PEX5L: variants seen among roughly 807,000 people sequenced by gnomAD.
The protein encoded by PEX5L is peroxisomal biogenesis factor 5 like, also known as PEX5-related protein.
Under a neutral mutation model 84.0 loss-of-function variants are expected in PEX5L, and 30 were observed. The observed-to-expected ratio is 0.36, with a 90% CI of 0.27 to 0.48. The LOEUF (loss-of-function observed/expected upper bound fraction) is 0.48, where lower values mean the gene tolerates loss of function less well. PEX5L is among the 20% of genes least tolerant of loss of function. The pLI is 0.99. For missense variants in PEX5L, 533 were observed against 754.6 expected (o/e 0.71, Z 3.44); for synonymous variants, 270 against 283.1 (o/e 0.95, Z 0.46).
Position 179,798,089 on chromosome 3 carries a change from T to C in PEX5L, c.*3739A>G, listed in dbSNP as rs950818175. 1 of 152,168 alleles carries C rather than the reference T, an allele frequency of 6.6e-6. No individual in the cohort carries two copies. Among genetic ancestry groups the C allele is most frequent in the African/African-American group, 2.4e-5 (1 of 41,432 alleles). The allele number at this position is 152,168 out of a possible 1,614,324, so 9.4% of individuals were successfully genotyped here. On this transcript the variant is annotated 3_prime_UTR_variant, in exon 15 of 15. Transcript: ENST00000467460. ...AAGTCTTGCTTGTATGGGAAGAATA[T>C]ACAAGAAATATTTATCTATACAAGT...
chr3:180,002,125 T>C (rs1788479616), intron 1 of PEX5L, among the ~76,000 whole-genome samples: 1 of 152,160 alleles, frequency 6.6e-6, no homozygotes, highest in Non-Finnish European at 1.5e-5. Context: ...CATGAACTTC[T>C]CAACTTTTTA....
At chr3:180,031,552 A>T (rs970666847) in intron 1 of PEX5L, among the ~76,000 whole-genome samples, 12 of 152,348 alleles carry the variant, frequency 7.9e-5, no homozygotes, top group African/African-American at 2.9e-4. Context: ...ATATTTTTAG[A>T]TGTCCCAAAC....
At chr3:180,027,285 C>A (rs1403917402) in intron 1 of PEX5L, among the ~76,000 whole-genome samples, 1 of 152,184 alleles carries the variant, frequency 6.6e-6, no homozygotes, top group African/African-American at 2.4e-5. Context: ...GACCCTTCAC[C>A]CCTAGCCTAG....
chr3:179,813,746 G>A (rs1029513434), intron 10 of PEX5L, among the ~76,000 whole-genome samples: 2 of 147,390 alleles, frequency 1.4e-5, no homozygotes, highest in East Asian at 2.0e-4. Flanking sequence ...GCGCAATCTC[G>A]GCTCACTGCA....
intron 1 of PEX5L, among the ~76,000 whole-genome samples, chr3:179,984,898 A>G (rs951658725): frequency 6.6e-6 from 1 of 152,208 alleles, no homozygotes; most frequent in African/African-American, 2.4e-5. Flanking sequence ...CTCCCCATTT[A>G]TACTGAGGAA....
intron 10 of PEX5L, 141 bp from the exon 11 acceptor site, chr3:179,812,012 TGTATGCA>T: frequency 1.5e-6 from 1 of 657,956 alleles, no homozygotes; most frequent in Non-Finnish European, 2.7e-6. Context: ...GGAAAAATAT[TGTATGCA>T]TTTCTTCATT....
chr3:179,815,744 T>G (rs16830845), intron 10 of PEX5L, 117 bp downstream of exon 10: 8 of 1,121,788 alleles, frequency 7.1e-6, no homozygotes, highest in Non-Finnish European at 1.0e-5. Flanking sequence ...CTAAGCTAGG[T>G]TAACTCCTCT....
intron 2 of PEX5L, among the ~76,000 whole-genome samples, chr3:179,948,937 G>A (rs751081264): frequency 6.6e-6 from 1 of 152,132 alleles, no homozygotes; most frequent in Non-Finnish European, 1.5e-5. Flanking sequence ...ATCTACATTC[G>A]TGCAAAGAGA....
intron 2 of PEX5L, chr3:179,902,612 A>C (rs1281182378): frequency 4.4e-6 from 2 of 454,512 alleles, no homozygotes; most frequent in African/African-American, 2.0e-5. Flanking sequence ...GCATCTCTCT[A>C]ATTCTTATTA....
intron 7 of PEX5L, among the ~76,000 whole-genome samples, chr3:179,863,064 G>T (rs1457234946): frequency 6.6e-6 from 1 of 152,200 alleles, no homozygotes; most frequent in Non-Finnish European, 1.5e-5. Flanking sequence ...TTTCTACAAA[G>T]TTGCCAAGAA....
At chr3:179,873,746 T>G (rs77379912) in intron 7 of PEX5L, among the ~76,000 whole-genome samples, 1 of 152,306 alleles carries the variant, frequency 6.6e-6, no homozygotes, top group Non-Finnish European at 1.5e-5. Flanking sequence ...TTAATAATAA[T>G]TCACAGGATT....
chr3:179,874,710 T>A (rs1331179912), intron 6 of PEX5L, among the ~76,000 whole-genome samples: 2 of 131,544 alleles, frequency 1.5e-5, no homozygotes, highest in Admixed American at 1.7e-4. Flanking sequence ...AAATTCTGTT[T>A]CATAAAAAAA....
At chr3:179,998,784 T>C (rs930170259) in intron 1 of PEX5L, among the ~76,000 whole-genome samples, 5 of 152,156 alleles carry the variant, frequency 3.3e-5, no homozygotes, top group Admixed American at 1.3e-4. Context: ...ATAAGTTACA[T>C]GAAGAAGTGA....
chr3:180,027,938 G>C (rs1257064427), intron 1 of PEX5L, among the ~76,000 whole-genome samples: 1 of 151,964 alleles, frequency 6.6e-6, no homozygotes, highest in Admixed American at 6.6e-5. Context: ...GTGCATTTTT[G>C]GCATGATTAT....
chr3:179,968,771 G>A (rs960084216), intron 2 of PEX5L, among the ~76,000 whole-genome samples: 1 of 151,328 alleles, frequency 6.6e-6, no homozygotes, highest in African/African-American at 2.4e-5. Context: ...ATTACCATAA[G>A]ACATCAACAC....
intron 1 of PEX5L, among the ~76,000 whole-genome samples, chr3:180,033,753 C>A (rs1256489038): frequency 6.6e-6 from 1 of 152,108 alleles, no homozygotes; most frequent in Non-Finnish European, 1.5e-5. Context: ...AAAGAAGCAA[C>A]CTTTGCTTCA....
At chr3:179,978,795 G>C (rs1025894252) in intron 1 of PEX5L, among the ~76,000 whole-genome samples, 28 of 152,156 alleles carry the variant, frequency 1.8e-4, no homozygotes, top group African/African-American at 6.5e-4. Context: ...CCCATCACTA[G>C]GATTAGGAGG....
Position 179,941,450 on chromosome 3 carries a change from G to A in PEX5L, c.93+30144C>T, listed in dbSNP as rs765323133. On this transcript the variant is annotated intron_variant, in intron 2 of 14. Transcript: ENST00000467460. ...CATTCACCATGATGTTATAGTAAGC[G>A]TTCAACATTCAGTACTTCATGTAAT... Among the ~76,000 whole-genome samples the A allele has an allele frequency of 2.0e-5, 3 of 152,130 alleles. No homozygotes were observed. The South Asian group carries it at 6.2e-4, about 32-fold the overall frequency.
intron 2 of PEX5L, among the ~76,000 whole-genome samples, chr3:179,971,075 A>G (rs1288270344): frequency 6.6e-6 from 1 of 152,140 alleles, no homozygotes; most frequent in Non-Finnish European, 1.5e-5. Context: ...GTGGTACTAC[A>G]GATTTTATTA....
Sources: allele counts gnomAD v4.1 joint callset (sites outside exome capture counted in the v4.1 genomes callset), GRCh38; gene constraint gnomAD v4.1.1; transcripts MANE v1.5; gene names NCBI Gene and HGNC (gene_info 2026-07-23, HGNC 2026-07-21).